OTUD7B: variants seen among roughly 807,000 people sequenced by gnomAD.
OTUD7B encodes the protein OTU domain-containing protein 7B.
A neutral mutation model predicts 82.2 loss-of-function variants in OTUD7B; 34 were observed. The ratio of observed to expected loss-of-function variants is 0.41; its 90% CI spans 0.31 to 0.55. The LOEUF (loss-of-function observed/expected upper bound fraction) is 0.55, where lower values mean the gene tolerates loss of function less well. OTUD7B is among the 20% of genes least tolerant of loss of function. The pLI is 0.20. For missense variants in OTUD7B, 944 were observed against 1,062.1 expected (o/e 0.89, Z 1.55); for synonymous variants, 398 against 402.7 (o/e 0.99, Z 0.14).
the OTUD7B span, among the ~76,000 whole-genome samples, chr1:150,028,398 T>G: frequency 6.6e-5 from 10 of 152,004 alleles, no homozygotes; most frequent in African/African-American, 1.4e-4. Context: ...TCACTGTGGG[T>G]TTTTTTTCCA....
chr1:149,974,191 G>C (rs1378472797), intron 2 of OTUD7B, among the ~76,000 whole-genome samples: 12 of 152,084 alleles, frequency 7.9e-5, no homozygotes, highest in Non-Finnish European at 1.8e-4. Context: ...TCAACCTCCT[G>C]AGTAGCTGGG....
chr1:149,989,594 G>A (rs1323139148), intron 1 of OTUD7B, among the ~76,000 whole-genome samples: 1 of 151,330 alleles, frequency 6.6e-6, no homozygotes, highest in East Asian at 1.9e-4. Flanking sequence ...ACAAAAATTA[G>A]CTGGGCATGG....
At chr1:149,973,300 C>T (rs781953944) in intron 2 of OTUD7B, among the ~76,000 whole-genome samples, 5 of 152,062 alleles carry the variant, frequency 3.3e-5, no homozygotes, top group Non-Finnish European at 5.9e-5. Flanking sequence ...GGTGTGTGCT[C>T]GTGGTCCTAG....
At chr1:149,981,234 T>C (rs2101871553) in intron 1 of OTUD7B, among the ~76,000 whole-genome samples, 1 of 152,208 alleles carries the variant, frequency 6.6e-6, no homozygotes, top group East Asian at 1.9e-4. Context: ...GGCATCATCT[T>C]CCAACTGAAA....
At chr1:149,976,633 A>AAAAAAAAAAAAAAAAAAAAAAT (rs1176193849) in intron 2 of OTUD7B, among the ~76,000 whole-genome samples, 1 of 102,646 alleles carries the variant, frequency 9.7e-6, no homozygotes, top group African/African-American at 3.8e-5. Context: ...AAAAAAAAAT[A>AAAAAAAAAAAAAAAAAAAAAAT]CTAGAACATT....
At chr1:149,986,831 T>G (rs1651178511) in intron 1 of OTUD7B, among the ~76,000 whole-genome samples, 2 of 152,208 alleles carry the variant, frequency 1.3e-5, no homozygotes, top group South Asian at 4.1e-4. Flanking sequence ...TCTTGGCAAT[T>G]TGTTTTTAGT....
the OTUD7B span, among the ~76,000 whole-genome samples, chr1:150,045,121 T>G: frequency 6.6e-6 from 1 of 151,148 alleles, no homozygotes; most frequent in South Asian, 2.1e-4. Context: ...AGATGGAATC[T>G]TGCTCTGTCA....
chr1:149,972,983 A>AT (rs1176146058), intron 2 of OTUD7B, among the ~76,000 whole-genome samples: 3 of 152,084 alleles, frequency 2.0e-5, no homozygotes, highest in Admixed American at 1.3e-4. Context: ...AACTTCAGTC[A>AT]TTTTTAGCTC....
chr1:149,943,895 GCTCC>G lies in OTUD7B; in HGVS notation c.2490_2493del (p.Arg830SerfsTer19). On this transcript the variant is annotated frameshift_variant, in exon 12 of 12. Transcript: ENST00000581312. LOFTEE classifies it high-confidence loss of function. ...ACCAGGAGCTCCCCATCCGGTTCCC[GCTCC>G]CTCCTCCTCAGTTCTTCCCTGTAAC... 6.2e-7 allele frequency: 1 copy of G among 1,614,166 alleles called. No homozygotes were observed. Among genetic ancestry groups the G allele is most frequent in the East Asian group, 2.2e-5 (1 of 44,888 alleles).
At position 149,939,092 on chromosome 1, in the gene OTUD7B, G is replaced by A. The variant is rs1183864151; in HGVS notation, c.*4765C>T. 6.6e-6 allele frequency: 1 copy of A among 152,392 alleles called. No individual in the cohort carries two copies. Among genetic ancestry groups the A allele is most frequent in the Non-Finnish European group, 1.5e-5 (1 of 68,242 alleles). The allele number at this position is 152,392 out of a possible 1,614,324, so 9.4% of individuals were successfully genotyped here. A position where few individuals can be genotyped will look rare whatever the true frequency, so the allele number is the denominator to read the frequency against. On this transcript the variant is annotated 3_prime_UTR_variant, in exon 12 of 12. Coordinates refer to ENST00000581312, the MANE Select transcript of OTUD7B (RefSeq NM_020205.4). Reference sequence around the variant, plus strand: ...ACCCCCAGTAGAAGCACTAGATGAAGGGAAGGGTGGAGAGGCAAGGGGCTA... The same window carrying A: ...ACCCCCAGTAGAAGCACTAGATGAAAGGAAGGGTGGAGAGGCAAGGGGCTA...
In OTUD7B at chr1:149,944,359, G is replaced by T; in HGVS notation, c.2030C>A (p.Thr677Asn). The part of the protein sequence containing the change: ...PEPDAREEQP[T>N]GPPAESRAMA... Reference sequence around the variant, plus strand: ...TGCCCTGGACTCTGCTGGGGGACCGGTCGGCTGCTCTTCCCTAGCATCTGG... The same window carrying T: ...TGCCCTGGACTCTGCTGGGGGACCGTTCGGCTGCTCTTCCCTAGCATCTGG... Residue 677 changes from threonine to asparagine, a missense_variant, in exon 12 of 12, where the codon ACC becomes AAC. Around this residue, in one of 3 missense-constraint regions of OTUD7B, gnomAD observed 412 missense variants for 418.7 expected, o/e 0.98. Transcript: ENST00000581312. 6.2e-7 allele frequency: 1 copy of T among 1,613,672 alleles called. No individual in the cohort carries two copies. The highest frequency in any genetic ancestry group is 8.5e-7 in the Non-Finnish European group (1 of 1,179,750).
chr1:150,015,202 T>A (rs1653229847), upstream of OTUD7B, among the ~76,000 whole-genome samples: 1 of 152,086 alleles, frequency 6.6e-6, no homozygotes, highest in Non-Finnish European at 1.5e-5. Flanking sequence ...CTTGTAATAG[T>A]ATAGCTGAGC....
chr1:150,049,662 T>G, the OTUD7B span, among the ~76,000 whole-genome samples: 7 of 133,626 alleles, frequency 5.2e-5, no homozygotes, highest in East Asian at 1.6e-3. Flanking sequence ...TGAGACAGGC[T>G]GATTACAGGC....
At chr1:149,963,236 T>G (rs983621520) in intron 6 of OTUD7B, 2 of 151,710 alleles carry the variant, frequency 1.3e-5, no homozygotes, top group Non-Finnish European at 2.9e-5. Context: ...ATTGCCATAC[T>G]AAATGCCAGA....
chr1:150,037,919 A>C, the OTUD7B span, among the ~76,000 whole-genome samples: 2 of 151,518 alleles, frequency 1.3e-5, no homozygotes. Context: ...CCCAGGCTGG[A>C]GTGCAGTGGT....
intron 1 of OTUD7B, among the ~76,000 whole-genome samples, chr1:149,989,471 CAAA>C (rs1158826492): frequency 1.8e-5 from 2 of 112,876 alleles, no homozygotes; most frequent in Admixed American, 9.7e-5. Flanking sequence ...AGACTCTGTC[CAAA>C]AAAAAAAAAA....
At chr1:150,019,357 TTTTGTTTG>T in the OTUD7B span, among the ~76,000 whole-genome samples, 239 of 151,914 alleles carry the variant, frequency 1.6e-3, 2 homozygotes, top group African/African-American at 5.4e-3. Context: ...ATTGTCTTTG[TTTTGTTTG>T]TTTGTTTGTT....
At chr1:150,022,469 C>G in the OTUD7B span, among the ~76,000 whole-genome samples, 1 of 146,456 alleles carries the variant, frequency 6.8e-6, no homozygotes, top group Non-Finnish European at 1.5e-5. Flanking sequence ...GCTGAGAGAG[C>G]AACTCCAGCC....
rs782546201 is a variant in OTUD7B at position 149,949,100 on chromosome 1, A to G, written c.1124-17T>C. Reference sequence around the variant, plus strand: ...GGATCACAGCTGGAGAGGAAGAAACATATCATCAAGGAATCTCCTTAAGAG... The same window carrying G: ...GGATCACAGCTGGAGAGGAAGAAACGTATCATCAAGGAATCTCCTTAAGAG... On this transcript the variant is annotated splice_polypyrimidine_tract_variant and intron_variant, in intron 9 of 11. Coordinates refer to ENST00000581312, the MANE Select transcript of OTUD7B (RefSeq NM_020205.4). The G allele has an allele frequency of 1.4e-5, 21 of 1,471,456 alleles. No individual in the cohort carries two copies. The East Asian group carries it at 4.3e-4, about 30-fold the overall frequency. 91.1% of individuals were successfully genotyped at this position (1,471,456 alleles called of 1,614,324 possible).
Sources: gnomAD v4.1 joint callset for allele counts (sites outside exome capture counted in the v4.1 genomes callset) on GRCh38, gnomAD v4.1.1 for gene constraint, gnomAD v4.1.1 regional missense constraint, MANE v1.5 for transcripts, NCBI Gene and HGNC (gene_info 2026-07-23, HGNC 2026-07-21) for gene names.